ZNF124: variants seen among roughly 807,000 people sequenced by gnomAD.
ZNF124 encodes the protein zinc finger protein HZF-16.
Under a neutral mutation model 26.6 loss-of-function variants are expected in ZNF124, and 25 were observed. The observed-to-expected ratio is 0.94, with a 90% CI of 0.68 to 1.31. The LOEUF (loss-of-function observed/expected upper bound fraction) is 1.31. Among genes scored for constraint, ZNF124 ranks in the 40% most tolerant of loss-of-function variants. The pLI is 0.00. For missense variants in ZNF124, 444 were observed against 422.2 expected, an observed-to-expected ratio of 1.05 and a Z score of -0.45; for synonymous variants, 129 against 133.3, an observed-to-expected ratio of 0.97 and a Z score of 0.22.
chr1:247,140,389 G>GT (rs1310446553), intron 3 of ZNF124, among the ~76,000 whole-genome samples: 1 of 152,044 alleles, frequency 6.6e-6, no homozygotes, highest in Non-Finnish European at 1.5e-5. Context: ...GTGATTCTTA[G>GT]TTTTTTTGGA....
chr1:247,135,420 A>C (rs1672458295), intron 3 of ZNF124, among the ~76,000 whole-genome samples: 1 of 152,246 alleles, frequency 6.6e-6, no homozygotes, highest in South Asian at 2.1e-4. Flanking sequence ...CAATGCAAAT[A>C]AACTAGAAAA....
intron 1 of ZNF124, among the ~76,000 whole-genome samples, chr1:247,167,766 CAGAGT>C (rs762448773): frequency 2.0e-5 from 3 of 152,134 alleles, no homozygotes; most frequent in Non-Finnish European, 2.9e-5. Flanking sequence ...AAATAATCAG[CAGAGT>C]AAACAGACAA....
chr1:247,162,455 G>A (rs745632533), intron 1 of ZNF124, among the ~76,000 whole-genome samples: 1 of 151,882 alleles, frequency 6.6e-6, no homozygotes, highest in Non-Finnish European at 1.5e-5. Context: ...GTAAATCTAG[G>A]AGCAATAGGC....
At chr1:247,139,458 A>G (rs550019707) in intron 3 of ZNF124, among the ~76,000 whole-genome samples, 20 of 152,338 alleles carry the variant, frequency 1.3e-4, no homozygotes, top group African/African-American at 4.8e-4. Context: ...GGAGCTTGCC[A>G]TTGTGCGCCT....
intron 3 of ZNF124, among the ~76,000 whole-genome samples, chr1:247,147,969 T>C (rs371421876): frequency 2.0e-5 from 3 of 152,218 alleles, no homozygotes; most frequent in East Asian, 1.9e-4. Context: ...AGCGAGTACA[T>C]AGAGAGAGAG....
chr1:247,156,464 A>G lies in ZNF124; in HGVS notation c.*102T>C. ...TTTGATTCGTTTCATGTATTTGAGG[A>G]AATCTGGGAAAATTAAGTACTTTCC... On this transcript the variant is annotated 3_prime_UTR_variant, in exon 4 of 4. Transcript: ENST00000543802. 1 of 1,343,194 alleles carries G rather than the reference A, an allele frequency of 7.4e-7. No homozygotes were observed. The highest frequency in any genetic ancestry group is 9.6e-7 in the Non-Finnish European group (1 of 1,045,052). 83.2% of individuals were successfully genotyped at this position (1,343,194 alleles called of 1,614,324 possible). A position where few individuals can be genotyped will look rare whatever the true frequency, so the allele number is the denominator to read the frequency against.
intron 1 of ZNF124, among the ~76,000 whole-genome samples, chr1:247,168,000 C>A (rs1052021064): frequency 1.3e-5 from 2 of 152,134 alleles, no homozygotes; most frequent in Admixed American, 1.3e-4. Flanking sequence ...TAATGAGATA[C>A]CACCTTACTC....
intron 3 of ZNF124, among the ~76,000 whole-genome samples, chr1:247,141,038 C>T (rs532344947): frequency 1.6e-3 from 237 of 152,196 alleles, no homozygotes; most frequent in Non-Finnish European, 2.8e-3. Flanking sequence ...GGCCAAAGGT[C>T]TTTTGCTTGT....
intron 1 of ZNF124, among the ~76,000 whole-genome samples, chr1:247,161,038 A>G (rs1171844721): frequency 2.6e-5 from 4 of 152,234 alleles, no homozygotes; most frequent in African/African-American, 9.6e-5. Context: ...TATTTATGTA[A>G]AATTTCATAG....
chr1:247,158,820 GT>G (rs1421014326), intron 3 of ZNF124, among the ~76,000 whole-genome samples, 185 bp downstream of exon 3: 1 of 152,110 alleles, frequency 6.6e-6, no homozygotes, highest in Non-Finnish European at 1.5e-5. Flanking sequence ...GTAGAGACGG[GT>G]TTTTGCCGTG....
intron 2 of ZNF124, 85 bp downstream of exon 2, chr1:247,159,602 T>C: frequency 6.9e-7 from 1 of 1,456,018 alleles, no homozygotes; most frequent in Non-Finnish European, 9.5e-7. Flanking sequence ...GTTCCCTTTG[T>C]ACATTCCAAA....
At chr1:247,151,335 C>T (rs1017976591), downstream of ZNF124, among the ~76,000 whole-genome samples, 16 of 151,940 alleles carry the variant, frequency 1.1e-4, no homozygotes, top group South Asian at 2.1e-4. Flanking sequence ...AAAAATTAGC[C>T]GGGCGTGGTG....
chr1:247,157,112 C>T lies in ZNF124; in HGVS notation c.510G>A (p.Arg170=), dbSNP rs1673189948. The change falls in exon 4 of 4, where the codon AGG becomes AGA. Residue 170 remains arginine (R), a synonymous_variant. Coordinates refer to ENST00000543802, the MANE Select transcript of ZNF124 (RefSeq NM_001297568.2). ...GFSRSLNRHK[R]IHTGEKRYEC... ...CATAGCGTTTTTCTCCAGTGTGAAT[C>T]CTTTTATGTCTATTAAGAGAACGGG... The T allele has an allele frequency of 6.2e-7, 1 of 1,613,928 alleles. No individual in the cohort carries two copies. The highest frequency in any genetic ancestry group is 8.5e-7 in the Non-Finnish European group (1 of 1,179,978).
At chr1:247,136,945 CAA>C (rs112254966) in intron 3 of ZNF124, among the ~76,000 whole-genome samples, 14 of 124,550 alleles carry the variant, frequency 1.1e-4, no homozygotes, top group East Asian at 2.3e-4. Flanking sequence ...AGACCCATCT[CAA>C]AAAAAAAAAA....
chr1:247,159,849 G>C, intron 1 of ZNF124, 36 bp from the exon 2 acceptor site: 9 of 1,579,720 alleles, frequency 5.7e-6, no homozygotes, highest in Non-Finnish European at 7.7e-6. Context: ...GGATGGATGA[G>C]ACTGAAAGCA....
At chr1:247,130,707 A>G (rs570424350) in intron 3 of ZNF124, among the ~76,000 whole-genome samples, 1 of 152,358 alleles carries the variant, frequency 6.6e-6, no homozygotes, top group Admixed American at 6.5e-5. Context: ...TTGCAATTTT[A>G]TTCCCTCCAA....
At chr1:247,170,433 C>G (rs1025956206) in intron 1 of ZNF124, among the ~76,000 whole-genome samples, 1 of 150,678 alleles carries the variant, frequency 6.6e-6, no homozygotes, top group South Asian at 2.1e-4. Context: ...CTGGGGAATA[C>G]GGTCATGGAT....
chr1:247,147,116 G>T (rs1672803067), intron 3 of ZNF124, among the ~76,000 whole-genome samples: 2 of 150,868 alleles, frequency 1.3e-5, no homozygotes, highest in Admixed American at 1.3e-4. Flanking sequence ...ACCAATTTCA[G>T]CTAATTACTT....
chr1:247,142,749 AT>A (rs2103106924), intron 3 of ZNF124, among the ~76,000 whole-genome samples: 1 of 152,236 alleles, frequency 6.6e-6, no homozygotes, highest in East Asian at 1.9e-4. Flanking sequence ...CCTGGCTCAT[AT>A]CATTTACCTA....
Sources: allele counts gnomAD v4.1 joint callset (sites outside exome capture counted in the v4.1 genomes callset), GRCh38; gene constraint gnomAD v4.1.1; transcripts MANE v1.5; gene names NCBI Gene and HGNC (gene_info 2026-07-23, HGNC 2026-07-21).